The following TAB3 variants were observed in gnomAD, a reference collection of about 807,000 sequenced individuals.
TAB3 encodes TGF-beta activated kinase 1 (MAP3K7) binding protein 3, also known as TGF-beta-activated kinase 1 and MAP3K7-binding protein 3.
TAB3 carries 18 observed loss-of-function variants against 48.1 expected under a neutral mutation model. That is an observed-to-expected ratio of 0.37 (90% CI 0.26 to 0.55). The LOEUF is 0.55. Among genes scored for constraint, TAB3 ranks in the 20% least tolerant of loss-of-function variants. TAB3 has a pLI of 0.78. For missense variants in TAB3, 414 were observed against 549.8 expected, an observed-to-expected ratio of 0.75 and a Z score of 2.47; for synonymous variants, 185 against 190.2, an observed-to-expected ratio of 0.97 and a Z score of 0.22.
chrX:30,841,402 G>C (rs1938433567), intron 9 of TAB3, among the ~76,000 whole-genome samples: 1 of 85,092 alleles, frequency 1.2e-5, no homozygotes, highest in African/African-American at 4.1e-5. Flanking sequence ...GTGACAGAGA[G>C]AGTCTCCATC....
At chrX:30,877,173 G>A (rs1220072516) in intron 1 of TAB3, among the ~76,000 whole-genome samples, 2 of 112,100 alleles carry the variant, frequency 1.8e-5, no homozygotes, top group African/African-American at 6.5e-5. Flanking sequence ...AAAAATGGCA[G>A]CTAAAAGACT....
intron 7 of TAB3, among the ~76,000 whole-genome samples, chrX:30,852,064 C>T (rs936125695): frequency 1.9e-4 from 21 of 112,357 alleles, no homozygotes; most frequent in South Asian, 3.7e-4. Context: ...ATAAACTATA[C>T]GCACAAAACT....
intron 9 of TAB3, among the ~76,000 whole-genome samples, chrX:30,839,704 C>G (rs1011259666): frequency 2.7e-5 from 3 of 109,516 alleles, no homozygotes; most frequent in South Asian, 3.9e-4. Flanking sequence ...AACTTCCTCT[C>G]AGTAACATGA....
intron 7 of TAB3, among the ~76,000 whole-genome samples, chrX:30,849,352 T>C (rs1938754068): frequency 8.9e-6 from 1 of 112,308 alleles, no homozygotes; most frequent in South Asian, 3.6e-4. Flanking sequence ...TTCTACAACC[T>C]CCCTCCCCCA....
intron 4 of TAB3, among the ~76,000 whole-genome samples, chrX:30,864,084 C>G (rs772511774): frequency 7.2e-5 from 8 of 111,487 alleles, no homozygotes; most frequent in Non-Finnish European, 1.3e-4. Flanking sequence ...TAAAGCCAGA[C>G]AGAGGACTCA....
intron 9 of TAB3, among the ~76,000 whole-genome samples, chrX:30,836,986 A>G (rs1396672141): frequency 9.2e-6 from 1 of 109,052 alleles, no homozygotes. Context: ...CCAAACAGGA[A>G]CCTCCCACCT....
chrX:30,831,316 C>A lies in TAB3; in HGVS notation c.*111G>T, dbSNP rs1317806982. On this transcript the variant is annotated 3_prime_UTR_variant, in exon 11 of 11. Coordinates refer to ENST00000288422, the MANE Select transcript of TAB3 (RefSeq NM_152787.5). ...ACCACAAAGCCATTCCTCCTCCCCG[C>A]TGTGCAATCGAAAATGAAAAGGCTG... is the stretch of plus-strand genomic sequence containing the variant. 5.5e-6 allele frequency: 5 copies of A among 904,985 alleles called. No homozygotes were observed. The African/African-American group carries it at 1.0e-4, about 18-fold the overall frequency. The allele number at this position is 904,985 out of a possible 1,213,427, so 74.6% of individuals were successfully genotyped here. A position where few individuals can be genotyped will look rare whatever the true frequency, so the allele number is the denominator to read the frequency against.
At position 30,859,584 on chromosome X, in the gene TAB3, G is replaced by A; in HGVS notation, c.5C>T (p.Ala2Val). The A allele has an allele frequency of 2.5e-6, 3 of 1,199,828 alleles. No homozygotes were observed. Among genetic ancestry groups the A allele is most frequent in the Non-Finnish European group, 3.4e-6 (3 of 887,536 alleles). M[A>V]QSSPQLDIQV... The stretch of plus-strand genomic sequence containing the variant: ...AATATCAAGCTGTGGGCTGCTTTGC[G>A]CCATGCCAGAGCAAATGGTGGCCAA... Residue 2 changes from alanine (A) to valine (V), a missense_variant, in exon 5 of 11, where the codon GCG (alanine) becomes GTG (valine). Physicochemically the swap from Ala to Val is moderately conservative, Grantham distance 64 (BLOSUM62 0). Transcript: ENST00000288422.
At chrX:30,883,112 T>A (rs1486656264) in intron 1 of TAB3, among the ~76,000 whole-genome samples, 1 of 110,782 alleles carries the variant, frequency 9.0e-6, no homozygotes, top group African/African-American at 3.3e-5. Flanking sequence ...GAATGCTATT[T>A]CTCCAACATT....
chrX:30,849,731 T>G (rs1197594067), intron 7 of TAB3, among the ~76,000 whole-genome samples: 1 of 112,395 alleles, frequency 8.9e-6, no homozygotes, highest in Non-Finnish European at 1.9e-5. Context: ...GGGCTCTCTT[T>G]CCACTATATC....
Position 30,830,764 on chromosome X carries a change from C to G in TAB3, c.*663G>C, listed in dbSNP as rs928399295. On this transcript the variant is annotated 3_prime_UTR_variant, in exon 11 of 11. Coordinates refer to ENST00000288422, the MANE Select transcript of TAB3 (RefSeq NM_152787.5). ...GTACAAGCCAAAGGCATCTTACCAC[C>G]TCTGATTGTACTTTTAAACAAAGGC... The G allele has an allele frequency of 1.8e-5, 2 of 111,936 alleles. No individual in the cohort carries two copies. Among genetic ancestry groups the G allele is most frequent in the Admixed American group, 1.9e-4 (2 of 10,444 alleles). The allele number at this position is 111,936 out of a possible 1,213,427, so 9.2% of individuals were successfully genotyped here. A position where few individuals can be genotyped will look rare whatever the true frequency, so the allele number is the denominator to read the frequency against.
chrX:30,833,570 G>A (rs186511056), intron 10 of TAB3, among the ~76,000 whole-genome samples: 2 of 110,396 alleles, frequency 1.8e-5, no homozygotes, highest in East Asian at 5.7e-4. Flanking sequence ...GGTGGCTCAC[G>A]CCTGTAATCC....
rs1312085341 is a variant in TAB3, at chrX:30,855,159, G to A, written c.506C>T (p.Pro169Leu). 1.5e-5 allele frequency: 18 copies of A among 1,211,641 alleles called. No individual in the cohort carries two copies. Among genetic ancestry groups the A allele is most frequent in the South Asian group, 3.5e-5 (2 of 56,947 alleles). The change falls in exon 6 of 11, where the codon CCG becomes CTG. Residue 169 changes from proline (P) to leucine (L), a missense_variant. Pro to Leu is a moderately conservative substitution (Grantham distance 98). Transcript: ENST00000288422. ...TGGTGAAGGCCCTTGCATAGCAGAC[G>A]GATTCATTCCTGTTTGCATGGAAGA... is the stretch of plus-strand genomic sequence containing the variant. Reference protein sequence around the residue: ...QPSSMQTGMNPSAMQGPSPPP... With the variant: ...QPSSMQTGMNLSAMQGPSPPP...
chrX:30,840,754 A>G (rs148479473), intron 9 of TAB3, among the ~76,000 whole-genome samples: 4,636 of 111,524 alleles, frequency 0.042, 106 homozygotes, highest in Middle Eastern at 0.074. Context: ...GCGTGAAAAC[A>G]GACTAATACA....
At chrX:30,832,993 C>T (rs1216915351) in intron 10 of TAB3, among the ~76,000 whole-genome samples, 6 of 98,870 alleles carry the variant, frequency 6.1e-5, no homozygotes, top group African/African-American at 2.0e-4. Context: ...TTTTTTGAGA[C>T]GGAGTCTTGC....
chrX:30,843,635 C>T (rs1013118830), intron 8 of TAB3: 1 of 112,033 alleles, frequency 8.9e-6, no homozygotes, highest in African/African-American at 3.2e-5. Flanking sequence ...AAAGGAGAAT[C>T]TTACACTAAG....
Position 30,854,172 on chromosome X carries a change from C to A in TAB3, c.1493G>T (p.Ser498Ile). 1 of 1,209,533 alleles carries A rather than the reference C, an allele frequency of 8.3e-7. No homozygotes were observed. Among genetic ancestry groups the A allele is most frequent in the South Asian group, 1.8e-5 (1 of 56,528 alleles). ...ACTAGAACTTCTCTGATATTTATGG[C>A]TTCCCTTTTCTCCCCCAGAGCCTGG... ...VIPGSGGEKG[S>I]HKYQRSSSSG... Residue 498 changes from serine (S) to isoleucine (I), a missense_variant, in exon 6 of 11, where the codon AGC becomes ATC. Ser to Ile is a moderately radical substitution (Grantham distance 142, BLOSUM62 -2). Coordinates refer to ENST00000288422, the MANE Select transcript of TAB3 (RefSeq NM_152787.5).
chrX:30,834,614 T>TTTTTG (rs1309267984), intron 9 of TAB3: 4 of 112,395 alleles, frequency 3.6e-5, no homozygotes, highest in African/African-American at 1.3e-4. Context: ...GACAGGATTT[T>TTTTTG]TTTTGTTTTG....
At chrX:30,845,343 A>G (rs762093513) in intron 8 of TAB3, 7 of 112,208 alleles carry the variant, frequency 6.2e-5, no homozygotes, top group Non-Finnish European at 1.3e-4. Context: ...TAGTTAGATA[A>G]AGACCTAATT....
Sources: gnomAD v4.1 joint callset for allele counts (sites outside exome capture counted in the v4.1 genomes callset) on GRCh38, gnomAD v4.1.1 for gene constraint, MANE v1.5 for transcripts, NCBI Gene and HGNC (gene_info 2026-07-23, HGNC 2026-07-21) for gene names.